SH3GL3: variants seen among roughly 807,000 people sequenced by gnomAD.
SH3GL3 encodes endophilin-A3.
In SH3GL3, 33 loss-of-function variants were observed where a neutral mutation model predicts 47.7. The observed-to-expected ratio is 0.69, with a 90% CI of 0.52 to 0.92. SH3GL3 has a LOEUF of 0.92. Among genes scored for constraint, SH3GL3 ranks in the 40% least tolerant of loss-of-function variants. SH3GL3 has a pLI of 0.00. For missense variants in SH3GL3, 363 were observed against 417.8 expected (o/e 0.87, Z 1.14); for synonymous variants, 155 against 148.8 (o/e 1.04, Z -0.30).
intron 2 of SH3GL3, among the ~76,000 whole-genome samples, chr15:83,560,825 A>G (rs1250405188): frequency 6.6e-6 from 1 of 152,196 alleles, no homozygotes. Context: ...TGCTAACCAT[A>G]TAAAAATAGA....
At chr15:83,552,364 A>T (rs963436792) in intron 1 of SH3GL3, among the ~76,000 whole-genome samples, 2 of 152,134 alleles carry the variant, frequency 1.3e-5, no homozygotes, top group Non-Finnish European at 2.9e-5. Flanking sequence ...TTGTTGTTAA[A>T]TTTTTTGGTA....
At chr15:83,598,226 T>C (rs2060282628) in intron 8 of SH3GL3, among the ~76,000 whole-genome samples, 1 of 152,186 alleles carries the variant, frequency 6.6e-6, no homozygotes, top group South Asian at 2.1e-4. Flanking sequence ...CTCCTGGCAC[T>C]GGTACAAACC....
rs112069375 is a variant in SH3GL3 at position 83,526,283 on chromosome 15, G to C, written c.46-32970G>C. On this transcript the variant is annotated intron_variant, in intron 1 of 8. Transcript: ENST00000427482. Reference sequence around the variant, plus strand: ...GATTCCTCAGAGAGCTAAAAATAGAGCTGCCATTTGGCCCAGCAATCCCAT... The same window carrying C: ...GATTCCTCAGAGAGCTAAAAATAGACCTGCCATTTGGCCCAGCAATCCCAT... Among the ~76,000 whole-genome samples, 95 of 152,294 alleles carry C rather than the reference G, an allele frequency of 6.2e-4. 1 individual carries two copies. Among genetic ancestry groups the C allele is most frequent in the African/African-American group, 2.0e-3 (83 of 41,562 alleles).
In SH3GL3 at chr15:83,572,675, G is replaced by A; in HGVS notation, c.442G>A (p.Asp148Asn). 6.2e-7 allele frequency: 1 copy of A among 1,610,402 alleles called. No individual in the cohort carries two copies. Among genetic ancestry groups the A allele is most frequent in the Non-Finnish European group, 8.5e-7 (1 of 1,176,760 alleles). ...TATTGATCCACTTCAGTTACTACAAGATAAAGATTTAAAAGAGATCGGGGT... is the reference window on the plus strand; with the variant it reads ...TATTGATCCACTTCAGTTACTACAAAATAAAGATTTAAAAGAGATCGGGGT... ...TFIDPLQLLQ[D>N]KDLKEIGHHL... The change falls in exon 5 of 9, where the codon GAT (aspartate) becomes AAT (asparagine). Residue 148 changes from aspartate (D) to asparagine (N), a missense_variant. Coordinates refer to ENST00000427482, the MANE Select transcript of SH3GL3 (RefSeq NM_003027.5).
intron 8 of SH3GL3, 104 bp from the exon 9 acceptor site, chr15:83,617,978 A>C: frequency 2.6e-6 from 2 of 761,584 alleles, no homozygotes; most frequent in East Asian, 5.1e-5. Context: ...GAAGGAAGCA[A>C]GGCCTGCTGT....
chr15:83,558,483 C>CTG (rs2045074793), intron 1 of SH3GL3, among the ~76,000 whole-genome samples: 1 of 84,976 alleles, frequency 1.2e-5, no homozygotes, highest in South Asian at 3.3e-4. Context: ...GTTGTTACAA[C>CTG]CGTGTGTGTG....
chr15:83,624,708 A>G, the SH3GL3 span, among the ~76,000 whole-genome samples: 2 of 152,196 alleles, frequency 1.3e-5, no homozygotes, highest in Non-Finnish European at 2.9e-5. Context: ...TGGGATGTTA[A>G]GGCTCCTTGG....
chr15:83,605,578 C>T (rs1343280264), intron 8 of SH3GL3, among the ~76,000 whole-genome samples: 6 of 145,542 alleles, frequency 4.1e-5, no homozygotes, highest in African/African-American at 1.7e-4. Flanking sequence ...GATGAAAGAA[C>T]ATAAGTCAAT....
At chr15:83,513,146 G>A (rs1231379765) in intron 1 of SH3GL3, among the ~76,000 whole-genome samples, 1 of 152,166 alleles carries the variant, frequency 6.6e-6, no homozygotes, top group Non-Finnish European at 1.5e-5. Context: ...CCTTCCACTA[G>A]TGATGCATTA....
At chr15:83,557,694 C>T (rs1189547745) in intron 1 of SH3GL3, among the ~76,000 whole-genome samples, 1 of 152,194 alleles carries the variant, frequency 6.6e-6, no homozygotes, top group Non-Finnish European at 1.5e-5. Flanking sequence ...GTTAATTTGC[C>T]TGGGCTTGCT....
At chr15:83,490,764 G>T (rs1183363271) in intron 1 of SH3GL3, 2 of 1,608,530 alleles carry the variant, frequency 1.2e-6, no homozygotes, top group Non-Finnish European at 1.7e-6. Flanking sequence ...GCTTTTAAGT[G>T]AATAAGACCA....
At chr15:83,508,121 T>A (rs1567284203) in intron 1 of SH3GL3, among the ~76,000 whole-genome samples, 1 of 151,964 alleles carries the variant, frequency 6.6e-6, no homozygotes, top group Admixed American at 6.6e-5. Context: ...TTTGTATTTT[T>A]AGTAGAGACG....
At chr15:83,487,542 G>A (rs1051310964) in intron 1 of SH3GL3, among the ~76,000 whole-genome samples, 1 of 152,158 alleles carries the variant, frequency 6.6e-6, no homozygotes, top group African/African-American at 2.4e-5. Context: ...GTGCAAGAAT[G>A]TTTTTGCTCT....
intron 1 of SH3GL3, among the ~76,000 whole-genome samples, chr15:83,512,312 T>G (rs2042792086): frequency 6.6e-6 from 1 of 152,306 alleles, no homozygotes; most frequent in Admixed American, 6.5e-5. Context: ...AAAAATGTGC[T>G]TAATACTCTT....
chr15:83,529,394 C>T, intron 1 of SH3GL3, among the ~76,000 whole-genome samples: 1 of 151,970 alleles, frequency 6.6e-6, no homozygotes, highest in Non-Finnish European at 1.5e-5. Flanking sequence ...GATAGTAGTA[C>T]CAGTGGCAGG....
chr15:83,586,068 G>T lies in SH3GL3; in HGVS notation c.625-915G>T, dbSNP rs137869137. ...CTTTGGGGAAGCCTGGGAAGTGTAG[G>T]ATTGATTTTGATTTGTGTCTTTGTC... On this transcript the variant is annotated intron_variant, in intron 6 of 8. Coordinates refer to ENST00000427482, the MANE Select transcript of SH3GL3 (RefSeq NM_003027.5). Among the ~76,000 whole-genome samples, 534 of 152,276 alleles carry T rather than the reference G, an allele frequency of 3.5e-3. 5 individuals carry two copies. The highest frequency in any genetic ancestry group is 0.012 in the African/African-American group (481 of 41,552).
At chr15:83,594,847 A>C (rs1596324473) in intron 8 of SH3GL3, among the ~76,000 whole-genome samples, 1 of 152,334 alleles carries the variant, frequency 6.6e-6, no homozygotes, top group East Asian at 1.9e-4. Flanking sequence ...AAGTCAAAAA[A>C]TCATAGATGG....
chr15:83,486,456 A>ATATGGATATTTTT (rs2041600389), intron 1 of SH3GL3, among the ~76,000 whole-genome samples: 8 of 152,168 alleles, frequency 5.3e-5, no homozygotes, highest in Admixed American at 1.3e-4. Flanking sequence ...CTGTGGATTT[A>ATATGGATATTTTT]CTTATTCTGG....
chr15:83,536,324 C>G (rs538692242), intron 1 of SH3GL3, among the ~76,000 whole-genome samples: 36 of 152,100 alleles, frequency 2.4e-4, no homozygotes, highest in Admixed American at 1.6e-3. Context: ...GGGGCCAAAC[C>G]TTTTTCTGTT....
Sources: gnomAD v4.1 joint callset for allele counts (sites outside exome capture counted in the v4.1 genomes callset) on GRCh38, gnomAD v4.1.1 for gene constraint, MANE v1.5 for transcripts, NCBI Gene and HGNC (gene_info 2026-07-23, HGNC 2026-07-21) for gene names.